Variants in NBAS observed in about 807,000 individuals in gnomAD.
NBAS encodes the protein NBAS subunit of NRZ tethering complex.
In NBAS, 219 loss-of-function variants were observed where a neutral mutation model predicts 302.5. That is an observed-to-expected ratio of 0.72 (90% CI 0.65 to 0.81). The LOEUF (loss-of-function observed/expected upper bound fraction) is 0.81, where lower values mean the gene tolerates loss of function less well. Ranked by LOEUF, NBAS falls within the 30% of genes least tolerant of loss-of-function variation. The pLI is 0.00. For synonymous variants in NBAS, 1,118 were observed against 1,021.6 expected, an observed-to-expected ratio of 1.09 and a Z score of -1.80; for missense variants, 2,932 against 2,841.6, an observed-to-expected ratio of 1.03 and a Z score of -0.72.
the NBAS span, among the ~76,000 whole-genome samples, chr2:15,066,858 C>T: frequency 6.6e-6 from 1 of 152,004 alleles, no homozygotes; most frequent in Non-Finnish European, 1.5e-5. Context: ...TCTAAGTATA[C>T]CATCAAAGGA....
the NBAS span, among the ~76,000 whole-genome samples, chr2:14,979,500 A>G: frequency 6.6e-6 from 1 of 152,230 alleles, no homozygotes; most frequent in South Asian, 2.1e-4. Flanking sequence ...ATACTTGTTA[A>G]TAGTACTTTA....
intron 40 of NBAS, among the ~76,000 whole-genome samples, chr2:15,306,787 A>G (rs1438885047): frequency 1.5e-5 from 2 of 134,552 alleles, no homozygotes; most frequent in African/African-American, 5.7e-5. Context: ...TTTGCACTTC[A>G]TATTAGGATG....
At chr2:14,849,125 T>A in the NBAS span, among the ~76,000 whole-genome samples, 4 of 144,332 alleles carry the variant, frequency 2.8e-5, no homozygotes, top group African/African-American at 1.0e-4. Flanking sequence ...ATCAAATTAC[T>A]CTGAGCTACG....
the NBAS span, among the ~76,000 whole-genome samples, chr2:15,022,489 A>G: frequency 6.6e-6 from 1 of 152,130 alleles, no homozygotes; most frequent in Non-Finnish European, 1.5e-5. Flanking sequence ...TTTCAACTAG[A>G]TTTACAATAG....
the NBAS span, among the ~76,000 whole-genome samples, chr2:14,909,443 A>G: frequency 6.7e-6 from 1 of 150,100 alleles, no homozygotes; most frequent in Non-Finnish European, 1.5e-5. Context: ...ATGTCTGTCA[A>G]CCAGAGGCAC....
intron 9 of NBAS, among the ~76,000 whole-genome samples, chr2:15,520,792 GGCC>G (rs1662632296): frequency 1.3e-5 from 2 of 152,020 alleles, no homozygotes; most frequent in South Asian, 4.1e-4. Flanking sequence ...GGCCACATTT[GGCC>G]CACAGGCCAA....
At chr2:14,989,369 C>T in the NBAS span, among the ~76,000 whole-genome samples, 3,960 of 150,998 alleles carry the variant, frequency 0.026, 169 homozygotes, top group African/African-American at 0.089. Context: ...ACCAGCCTGG[C>T]CAACATGGTG....
rs183731828 is a variant in NBAS, at chr2:15,244,643, G to A, written c.5725-5957C>T. ...GTGGGGGAAACAGGGCAGAGGATTT[G>A]TCCATTTGGTTCACAGTCTGGATCA... On this transcript the variant is annotated intron_variant, in intron 44 of 51. Coordinates refer to ENST00000281513, the MANE Select transcript of NBAS (RefSeq NM_015909.4). Among the ~76,000 whole-genome samples the A allele has an allele frequency of 2.0e-5, 3 of 152,268 alleles. No homozygotes were observed. The East Asian group carries it at 5.8e-4, about 29-fold the overall frequency.
chr2:14,795,996 A>G, the NBAS span, among the ~76,000 whole-genome samples: 1 of 152,208 alleles, frequency 6.6e-6, no homozygotes, highest in African/African-American at 2.4e-5. Flanking sequence ...TTTTGCATTC[A>G]GGTCTATGAT....
the NBAS span, among the ~76,000 whole-genome samples, chr2:15,138,340 T>C: frequency 6.6e-6 from 1 of 152,076 alleles, no homozygotes; most frequent in Non-Finnish European, 1.5e-5. Flanking sequence ...AGAGGCCAAG[T>C]GGTGCAGAGT....
At chr2:15,229,643 A>C (rs1667297311) in intron 47 of NBAS, among the ~76,000 whole-genome samples, 1 of 151,664 alleles carries the variant, frequency 6.6e-6, no homozygotes, top group Non-Finnish European at 1.5e-5. Flanking sequence ...TTAGCTGGAC[A>C]TGGTGGCAGG....
the NBAS span, among the ~76,000 whole-genome samples, chr2:14,925,344 A>C: frequency 1.3e-5 from 2 of 152,176 alleles, no homozygotes; most frequent in African/African-American, 4.8e-5. Flanking sequence ...GTTATTCTAG[A>C]AACTTCTCGA....
the NBAS span, among the ~76,000 whole-genome samples, chr2:14,908,643 T>A: frequency 1.3e-3 from 201 of 152,322 alleles, no homozygotes; most frequent in African/African-American, 4.6e-3. Flanking sequence ...AAGGAGCATG[T>A]GACAATTAAC....
intron 12 of NBAS, among the ~76,000 whole-genome samples, chr2:15,487,854 G>GAA (rs1421534736): frequency 2.0e-5 from 3 of 152,200 alleles, no homozygotes; most frequent in African/African-American, 7.2e-5. Flanking sequence ...CAATAAGGGA[G>GAA]AAAGAGTGGT....
the NBAS span, among the ~76,000 whole-genome samples, chr2:14,889,455 G>A: frequency 2.6e-5 from 4 of 152,202 alleles, no homozygotes; most frequent in Non-Finnish European, 4.4e-5. Context: ...AATCCAAGGT[G>A]GATATCATAT....
the NBAS span, among the ~76,000 whole-genome samples, chr2:15,010,753 A>T: frequency 2.6e-5 from 4 of 152,346 alleles, no homozygotes; most frequent in Non-Finnish European, 5.9e-5. Context: ...TATCCCTATT[A>T]CATATATTAA....
chr2:15,229,971 C>CT (rs1379325857), intron 47 of NBAS, among the ~76,000 whole-genome samples: 1 of 151,876 alleles, frequency 6.6e-6, no homozygotes, highest in Admixed American at 6.6e-5. Context: ...ATGTAATGTG[C>CT]TTTTGTGTGT....
chr2:15,548,233 T>C (rs1664209597), intron 6 of NBAS, among the ~76,000 whole-genome samples: 1 of 152,200 alleles, frequency 6.6e-6, no homozygotes, highest in Admixed American at 6.5e-5. Flanking sequence ...GTGCCTACGA[T>C]GTGTCAGGCA....
At chr2:15,477,357 G>A (rs1319994272) in intron 13 of NBAS, among the ~76,000 whole-genome samples, 1 of 152,046 alleles carries the variant, frequency 6.6e-6, no homozygotes, top group African/African-American at 2.4e-5. Flanking sequence ...TGCCTCCCAG[G>A]CTAAAGTGAT....
Sources: allele counts gnomAD v4.1 joint callset (sites outside exome capture counted in the v4.1 genomes callset), GRCh38; gene constraint gnomAD v4.1.1; transcripts MANE v1.5; gene names NCBI Gene and HGNC (gene_info 2026-07-23, HGNC 2026-07-21).